Variants in CEP70 observed in about 807,000 individuals in gnomAD.
The protein encoded by CEP70 is centrosomal protein of 70 kDa.
A neutral mutation model predicts 90.9 loss-of-function variants in CEP70; 70 were observed. That is an observed-to-expected ratio of 0.77 (90% CI 0.64 to 0.94). The LOEUF is 0.94. CEP70 is among the 40% of genes least tolerant of loss of function. The probability of loss-of-function intolerance (pLI) is 0.00; values close to 1 mark genes in which losing one functional copy is unlikely to be tolerated. For missense variants in CEP70, 648 were observed against 669.0 expected, an observed-to-expected ratio of 0.97 and a Z score of 0.35; for synonymous variants, 220 against 228.3, an observed-to-expected ratio of 0.96 and a Z score of 0.33.
chr3:138,582,572 T>C (rs562495122), intron 2 of CEP70, among the ~76,000 whole-genome samples: 9 of 151,226 alleles, frequency 6.0e-5, no homozygotes, highest in African/African-American at 2.2e-4. Flanking sequence ...ATGTTCAAGA[T>C]CAGCCTGGCC....
chr3:138,588,360 G>C (rs1487824136), intron 2 of CEP70, among the ~76,000 whole-genome samples: 2 of 152,202 alleles, frequency 1.3e-5, no homozygotes, highest in East Asian at 3.9e-4. Context: ...GAATATATAG[G>C]GAACTCTCAA....
At position 138,571,335 on chromosome 3, in the gene CEP70, T is replaced by C. The variant is rs2041161578; in HGVS notation, c.91A>G (p.Ser31Gly). Residue 31 changes from serine (S) to glycine (G), a missense_variant, in exon 4 of 18, where the codon AGC becomes GGC. Ser to Gly is a moderately conservative substitution (Grantham distance 56, BLOSUM62 0). Transcript: ENST00000264982. ...EKQQEEAEWE[S>G]INVLLMMHGL... is the part of the protein sequence containing the mutation. Reference sequence around the variant, plus strand: ...TGCATCATCAATAGCACATTTATGCTTTCCCATTCTGCTTCTTCCTGCTAC... The same window carrying C: ...TGCATCATCAATAGCACATTTATGCCTTCCCATTCTGCTTCTTCCTGCTAC... 6.2e-7 allele frequency: 1 copy of C among 1,609,152 alleles called. No individual in the cohort carries two copies. The highest frequency in any genetic ancestry group is 8.5e-7 in the Non-Finnish European group (1 of 1,177,190).
intron 11 of CEP70, among the ~76,000 whole-genome samples, chr3:138,511,890 ACT>A (rs1482209323): frequency 6.6e-6 from 1 of 152,238 alleles, no homozygotes; most frequent in East Asian, 1.9e-4. Flanking sequence ...TAACAGTATT[ACT>A]GAAAAACTTC....
At chr3:138,572,816 C>T (rs2108166609) in intron 3 of CEP70, 43 bp downstream of exon 3, 2 of 1,224,978 alleles carry the variant, frequency 1.6e-6, no homozygotes, top group Middle Eastern at 3.8e-4. Flanking sequence ...CATTCTTTGG[C>T]ACATATTTTG....
Position 138,590,600 on chromosome 3 carries a change from G to A in CEP70, c.-6+1254C>T, listed in dbSNP as rs549011618. ...CAAAAACTAGGAGGCCAGGCTCACA[G>A]TGCAGCTTGGCCAACATGGTGATAC... On this transcript the variant is annotated intron_variant, in intron 2 of 17. Transcript: ENST00000264982. 9.2e-5 allele frequency among the ~76,000 whole-genome samples: 14 copies of A among 151,558 alleles called. No individual in the cohort carries two copies. In the South Asian group the frequency reaches 2.9e-3, roughly 32 times the overall value.
chr3:138,586,413 T>C (rs1161349719), intron 2 of CEP70, among the ~76,000 whole-genome samples: 1 of 152,140 alleles, frequency 6.6e-6, no homozygotes, highest in Non-Finnish European at 1.5e-5. Context: ...AGCCAAGATT[T>C]GGAAGCAACC....
At position 138,525,568 on chromosome 3, in the gene CEP70, TG is replaced by T; in HGVS notation, c.870-5del. 7.6e-7 allele frequency: 1 copy of T among 1,312,234 alleles called. No individual in the cohort carries two copies. Among genetic ancestry groups the T allele is most frequent in the Non-Finnish European group, 1.0e-6 (1 of 997,088 alleles). The allele number at this position is 1,312,234 out of a possible 1,614,324, so 81.3% of individuals were successfully genotyped here. A position where few individuals can be genotyped will look rare whatever the true frequency, so the allele number is the denominator to read the frequency against. ...TCTTAATTCATGCTGCGTAGGCCTG[TG>T]GAAAATAAATAATGATAAATTAATT... On this transcript the variant is annotated splice_region_variant and splice_polypyrimidine_tract_variant and intron_variant, in intron 10 of 17. Coordinates refer to ENST00000264982, the MANE Select transcript of CEP70 (RefSeq NM_024491.4).
At position 138,571,021 on chromosome 3, in the gene CEP70, T is replaced by C. The variant is rs1467399617; in HGVS notation, c.284+13A>G. On this transcript the variant is annotated intron_variant, in intron 5 of 17. Coordinates refer to ENST00000264982, the MANE Select transcript of CEP70 (RefSeq NM_024491.4). ...TACAAACAATTCAAAAGAAATCTTT[T>C]CCATTTTCTCACCTAAGCTGTTGAT... 6.6e-7 allele frequency: 1 copy of C among 1,523,310 alleles called. No homozygotes were observed. Among genetic ancestry groups the C allele is most frequent in the Non-Finnish European group, 8.8e-7 (1 of 1,138,110 alleles). 94.4% of individuals were successfully genotyped at this position (1,523,310 alleles called of 1,614,324 possible).
At chr3:138,527,469 C>T (rs1455717926) in intron 10 of CEP70, among the ~76,000 whole-genome samples, 2 of 151,568 alleles carry the variant, frequency 1.3e-5, no homozygotes, top group Non-Finnish European at 2.9e-5. Context: ...CCGAGGCGGG[C>T]GGATCACGAG....
chr3:138,499,094 CTG>C (rs1467449704), intron 16 of CEP70, among the ~76,000 whole-genome samples: 1 of 151,568 alleles, frequency 6.6e-6, no homozygotes, highest in African/African-American at 2.4e-5. Context: ...GTCAGTAAAA[CTG>C]TGGGAAGGAA....
intron 11 of CEP70, among the ~76,000 whole-genome samples, chr3:138,522,439 G>GT: frequency 6.6e-6 from 1 of 152,118 alleles, no homozygotes; most frequent in Non-Finnish European, 1.5e-5. Flanking sequence ...CCAGGAGCTG[G>GT]TTTTTTGAAA....
intron 2 of CEP70, among the ~76,000 whole-genome samples, chr3:138,580,315 A>G (rs2041786702): frequency 6.6e-6 from 1 of 152,158 alleles, no homozygotes; most frequent in Non-Finnish European, 1.5e-5. Context: ...CAGGCAGCTC[A>G]GCACAGAGAG....
At chr3:138,509,992 T>C (rs2035367785) in intron 11 of CEP70, among the ~76,000 whole-genome samples, 1 of 152,192 alleles carries the variant, frequency 6.6e-6, no homozygotes, top group African/African-American at 2.4e-5. Flanking sequence ...GTGTGTCCTT[T>C]AAGTGAAAAG....
chr3:138,584,461 C>CAAAAAAAA (rs35985463), intron 2 of CEP70, among the ~76,000 whole-genome samples: 2 of 92,162 alleles, frequency 2.2e-5, no homozygotes, highest in Non-Finnish European at 2.1e-5. Flanking sequence ...AAAGACATAT[C>CAAAAAAAA]AAAAAAAAAA....
intron 6 of CEP70, among the ~76,000 whole-genome samples, chr3:138,540,757 G>A (rs936010010): frequency 7.2e-5 from 11 of 152,222 alleles, no homozygotes; most frequent in Admixed American, 3.9e-4. Flanking sequence ...TATACCCAGA[G>A]GAATACAAAT....
chr3:138,530,714 T>G (rs555694098), intron 8 of CEP70: 1 of 985,402 alleles, frequency 1.0e-6, no homozygotes, highest in South Asian at 4.7e-5. Context: ...TTCCCCCGTC[T>G]TCTCTTTCAT....
chr3:138,550,088 A>G (rs1415467493), intron 6 of CEP70, among the ~76,000 whole-genome samples: 1 of 152,136 alleles, frequency 6.6e-6, no homozygotes, highest in Admixed American at 6.5e-5. Flanking sequence ...AGACCTTCCC[A>G]CTGACATAGC....
chr3:138,537,997 G>T (rs2038430227), intron 6 of CEP70, among the ~76,000 whole-genome samples: 1 of 152,124 alleles, frequency 6.6e-6, no homozygotes, highest in East Asian at 1.9e-4. Flanking sequence ...TCGGACTTCT[G>T]TAACTGTGAT....
chr3:138,574,406 C>T (rs1447269438), intron 2 of CEP70, among the ~76,000 whole-genome samples: 1 of 152,218 alleles, frequency 6.6e-6, no homozygotes, highest in Non-Finnish European at 1.5e-5. Flanking sequence ...TCTGCCATTG[C>T]TGAGGCTTGA....
Sources: allele counts gnomAD v4.1 joint callset (sites outside exome capture counted in the v4.1 genomes callset), GRCh38; gene constraint gnomAD v4.1.1; transcripts MANE v1.5; gene names NCBI Gene and HGNC (gene_info 2026-07-23, HGNC 2026-07-21).